The following C10orf105 variants were observed in gnomAD, a reference collection of about 807,000 sequenced individuals.
C10orf105 encodes the protein uncharacterized protein C10orf105.
A neutral mutation model predicts 0.6 loss-of-function variants in C10orf105; 2 were observed. The ratio of observed to expected loss-of-function variants is 3.18; its 90% CI spans 1.30 to 10.01. The LOEUF (loss-of-function observed/expected upper bound fraction) is 10.01. C10orf105 is among the 30% of genes most tolerant of loss of function. The pLI is 0.04. For synonymous variants in C10orf105, 95 were observed against 82.4 expected (o/e 1.15, Z -0.83); for missense variants, 209 against 191.4 (o/e 1.09, Z -0.54).
Position 71,732,390 on chromosome 10 carries a change from G to A in C10orf105, c.-6+5338C>T, listed in dbSNP as rs1230498326. The stretch of plus-strand genomic sequence containing the variant: ...ACGCCATCACGGTGAGGGGCTGGGG[G>A]CAGGGAGCACCATTTCTTCCAATCT... On this transcript the variant is annotated intron_variant, in intron 1 of 1. Coordinates refer to the C10orf105 transcript ENST00000398786. 3 of 1,553,978 alleles carry A rather than the reference G, an allele frequency of 1.9e-6. No individual in the cohort carries two copies. The highest frequency in any genetic ancestry group is 2.4e-5 in the East Asian group (1 of 41,036).
chr10:71,728,925 G>A (rs550937771), intron 1 of C10orf105, among the ~76,000 whole-genome samples: 1 of 152,160 alleles, frequency 6.6e-6, no homozygotes, highest in East Asian at 1.9e-4. Context: ...CAAACTCCTG[G>A]GCTCAAGCGA....
intron 1 of C10orf105, chr10:71,732,346 AAAGCCCTCTTC>A (rs1473376256): frequency 6.3e-7 from 1 of 1,577,960 alleles, no homozygotes; most frequent in Admixed American, 1.9e-5. Context: ...CACCCAGGCC[AAAGCCCTCTTC>A]AAGATAGACG....
At chr10:71,729,553 G>C (rs1589380028) in intron 1 of C10orf105, among the ~76,000 whole-genome samples, 1 of 152,160 alleles carries the variant, frequency 6.6e-6, no homozygotes, top group South Asian at 2.1e-4. Context: ...CACTGGGCTG[G>C]TTTCCAACAG....
intron 1 of C10orf105, among the ~76,000 whole-genome samples, chr10:71,729,122 A>G (rs1341966188): frequency 2.0e-5 from 3 of 152,206 alleles, no homozygotes; most frequent in Admixed American, 6.5e-5. Context: ...GGCAAAAGCC[A>G]CCATGCCTGG....
intron 1 of C10orf105, among the ~76,000 whole-genome samples, chr10:71,730,136 C>T (rs916072273): frequency 7.9e-5 from 12 of 152,080 alleles, no homozygotes; most frequent in Admixed American, 2.0e-4. Context: ...CGCGCCCGGC[C>T]GAATTATTAT....
Position 71,712,855 on chromosome 10 carries a change from G to A in C10orf105, c.*3081C>T, listed in dbSNP as rs1866036365. 1 of 1,596,570 alleles carries A rather than the reference G, an allele frequency of 6.3e-7. No individual in the cohort carries two copies. The highest frequency in any genetic ancestry group is 1.7e-5 in the Admixed American group (1 of 57,262). On this transcript the variant is annotated 3_prime_UTR_variant, in exon 2 of 2. Coordinates refer to ENST00000441508, the MANE Select transcript of C10orf105 (RefSeq NM_001164375.3). ...CTCTGGGGCAGGTGGTGGGCTGGGG[G>A]AGGCGGAGCCACACACGGCCCTGAG...
intron 1 of C10orf105, among the ~76,000 whole-genome samples, chr10:71,718,462 G>A (rs1324116004): frequency 4.0e-5 from 6 of 149,512 alleles, no homozygotes; most frequent in East Asian, 2.1e-4. Context: ...CAGGGCCTCC[G>A]CCTTTGCGGC....
At chr10:71,734,333 T>G (rs1839490164) in intron 1 of C10orf105, 4 of 1,607,836 alleles carry the variant, frequency 2.5e-6, no homozygotes, top group Non-Finnish European at 3.4e-6. Context: ...CAAGGTGGAC[T>G]CCACCGTGGT....
At chr10:71,734,263 G>A (rs773827025) in intron 1 of C10orf105, 1 of 1,611,798 alleles carries the variant, frequency 6.2e-7, no homozygotes, top group Non-Finnish European at 8.5e-7. Flanking sequence ...TCCAGGGCCT[G>A]GTGGACCGTG....
chr10:71,712,813 G>A lies in C10orf105; in HGVS notation c.*3123C>T, dbSNP rs1200909093. ...TCCCTGAAGGCCACAGCATCTTGCA[G>A]GCAGGTGGCCCGTGGCCTCTGGGGC... On this transcript the variant is annotated 3_prime_UTR_variant, in exon 2 of 2. Transcript: ENST00000441508. The A allele has an allele frequency of 6.2e-7, 1 of 1,611,210 alleles. No individual in the cohort carries two copies. Among genetic ancestry groups the A allele is most frequent in the East Asian group, 2.2e-5 (1 of 44,814 alleles).
chr10:71,732,674 G>T, intron 1 of C10orf105: 1 of 1,356,492 alleles, frequency 7.4e-7, no homozygotes, highest in South Asian at 1.8e-5. Flanking sequence ...CAATATCCCT[G>T]TAACACATCC....
chr10:71,716,623 CA>C (rs1236738681), intron 1 of C10orf105: 6 of 351,936 alleles, frequency 1.7e-5, no homozygotes, highest in African/African-American at 1.1e-4. Flanking sequence ...GGCCTGTCCG[CA>C]TTTTCAAATC....
chr10:71,737,250 G>A (rs1177401859), intron 1 of C10orf105, among the ~76,000 whole-genome samples: 1 of 152,204 alleles, frequency 6.6e-6, no homozygotes, highest in Admixed American at 6.5e-5. Context: ...CAGGAAGCAG[G>A]AACAGGGAAG....
rs1249415596 is a variant in C10orf105, at chr10:71,712,628, G to A, written c.*3308C>T. On this transcript the variant is annotated 3_prime_UTR_variant, in exon 2 of 2. Coordinates refer to ENST00000441508, the MANE Select transcript of C10orf105 (RefSeq NM_001164375.3). ...CACAGGAAGTGTGCCCCTCTCTCAG[G>A]CAGCTGCTAACACCTGTCTTCCTTC... 1 of 1,608,438 alleles carries A rather than the reference G, an allele frequency of 6.2e-7. No individual in the cohort carries two copies. Among genetic ancestry groups the A allele is most frequent in the African/African-American group, 1.3e-5 (1 of 74,862 alleles).
Position 71,732,221 on chromosome 10 carries a change from C to T in C10orf105, c.-6+5507G>A, listed in dbSNP as rs2132825485. 2 of 1,613,794 alleles carry T rather than the reference C, an allele frequency of 1.2e-6. No homozygotes were observed. Among genetic ancestry groups the T allele is most frequent in the Non-Finnish European group, 1.7e-6 (2 of 1,179,778 alleles). ...GAGGCCGTGCAGTTCTCCAATGCCT[C>T]ATACGAGGCTGCCATCCTGGAGAAT... On this transcript the variant is annotated intron_variant, in intron 1 of 1. Transcript: ENST00000398786.
At chr10:71,735,338 AG>A (rs1233785193) in intron 1 of C10orf105, among the ~76,000 whole-genome samples, 6 of 151,952 alleles carry the variant, frequency 3.9e-5, no homozygotes, top group Non-Finnish European at 5.9e-5. Context: ...CCCCTGGGGG[AG>A]GGGGGCCCAC....
At chr10:71,726,234 A>G (rs1488994977) in intron 1 of C10orf105, among the ~76,000 whole-genome samples, 2 of 151,996 alleles carry the variant, frequency 1.3e-5, no homozygotes, top group African/African-American at 4.8e-5. Context: ...CCTTCCCCTA[A>G]ACCAGTGAGT....
At chr10:71,728,860 C>G (rs1399403745) in intron 1 of C10orf105, among the ~76,000 whole-genome samples, 1 of 152,170 alleles carries the variant, frequency 6.6e-6, no homozygotes, top group Non-Finnish European at 1.5e-5. Flanking sequence ...CATGTCACCA[C>G]CCCCGGCTAA....
intron 1 of C10orf105, chr10:71,732,698 G>A (rs763100825): frequency 2.6e-5 from 34 of 1,299,658 alleles, no homozygotes; most frequent in African/African-American, 8.9e-5. Flanking sequence ...TTCATATGTA[G>A]GAGTAAGATA....
Sources: allele counts gnomAD v4.1 joint callset (sites outside exome capture counted in the v4.1 genomes callset), GRCh38; gene constraint gnomAD v4.1.1; transcripts MANE v1.5; gene names NCBI Gene and HGNC (gene_info 2026-07-23, HGNC 2026-07-21).